The following CHODL variants were observed in gnomAD, a reference collection of about 807,000 sequenced individuals.
CHODL encodes the protein transmembrane protein MT75.
Under a neutral mutation model 34.5 loss-of-function variants are expected in CHODL, and 29 were observed. The observed-to-expected ratio is 0.84, with a 90% CI of 0.63 to 1.15. The LOEUF is 1.15. Among genes scored for constraint, CHODL ranks in the 50% most tolerant of loss-of-function variants. The probability of loss-of-function intolerance (pLI) is 0.00; values close to 1 mark genes in which losing one functional copy is unlikely to be tolerated. For synonymous variants in CHODL, 125 were observed against 116.1 expected (o/e 1.08, Z -0.49); for missense variants, 332 against 332.5 (o/e 1.00, Z 0.01).
In CHODL at chr21:18,095,911, C is replaced by T. The variant is rs115162668; in HGVS notation, c.-45+67940C>T. ...GAATGAGGAACAAAAACCATATGAT[C>T]GTTTCAGTTGATACTAAAACAGAAT... On this transcript the variant is annotated intron_variant, in intron 2 of 6. Transcript: ENST00000400127. Among the ~76,000 whole-genome samples the T allele has an allele frequency of 5.3e-3, 810 of 152,260 alleles. 7 individuals are homozygous for T. The highest frequency in any genetic ancestry group is 0.018 in the African/African-American group (762 of 41,552).
intron 2 of CHODL, among the ~76,000 whole-genome samples, chr21:18,127,672 G>GTTTTTTTTTTTTTTTTT (rs71318127): frequency 4.3e-5 from 3 of 70,006 alleles, no homozygotes; most frequent in African/African-American, 1.6e-4. Flanking sequence ...CGTTGCCATT[G>GTTTTTTTTTTTTTTTTT]TTTTTTTTTT....
At chr21:18,102,481 G>A (rs1418122097) in intron 2 of CHODL, among the ~76,000 whole-genome samples, 3 of 152,138 alleles carry the variant, frequency 2.0e-5, no homozygotes, top group East Asian at 1.9e-4. Context: ...TCAATTATCT[G>A]TATAAAAATA....
intron 1 of CHODL, among the ~76,000 whole-genome samples, chr21:17,998,528 G>C (rs2063873514): frequency 6.6e-6 from 1 of 152,206 alleles, no homozygotes; most frequent in South Asian, 2.1e-4. Context: ...TTCTTCATGA[G>C]GGCTCTGCCC....
chr21:18,133,093 G>T (rs205698), intron 2 of CHODL, among the ~76,000 whole-genome samples: 19,671 of 151,478 alleles, frequency 0.13, 1,443 homozygotes, highest in Middle Eastern at 0.21. Context: ...TAAAAAAAAA[G>T]ACTTGCTTTG....
chr21:18,244,350 A>T (rs370856860), upstream of CHODL, among the ~76,000 whole-genome samples: 1 of 152,320 alleles, frequency 6.6e-6, no homozygotes, highest in South Asian at 2.1e-4. Flanking sequence ...GCTTGGAGAT[A>T]ATCTATTTGC....
chr21:18,259,712 A>G (rs1051595332), intron 3 of CHODL, among the ~76,000 whole-genome samples: 2 of 152,254 alleles, frequency 1.3e-5, no homozygotes, highest in African/African-American at 4.8e-5. Flanking sequence ...GAACGTTGTT[A>G]CTTGAATCAT....
At chr21:17,996,834 CTT>C (rs1282723898) in intron 1 of CHODL, among the ~76,000 whole-genome samples, 1 of 152,094 alleles carries the variant, frequency 6.6e-6, no homozygotes, top group Non-Finnish European at 1.5e-5. Flanking sequence ...TTCATAAACT[CTT>C]TGGATGAAAC....
chr21:17,953,624 A>G (rs542571758), intron 1 of CHODL, among the ~76,000 whole-genome samples: 1 of 152,376 alleles, frequency 6.6e-6, no homozygotes, highest in African/African-American at 2.4e-5. Flanking sequence ...ACCTGACTAC[A>G]TAAATAATTA....
In CHODL at chr21:18,091,839, G is replaced by A. The variant is rs575230825; in HGVS notation, c.-45+63868G>A. On this transcript the variant is annotated intron_variant, in intron 2 of 6. Transcript: ENST00000400127. ...TGCCCCGTGGACCAGTAGTGGTGGT[G>A]ATGGCCACAGGGAGAGGCTCCTCTG... Among the ~76,000 whole-genome samples the A allele has an allele frequency of 1.7e-4, 26 of 152,340 alleles. No individual in the cohort carries two copies. In the South Asian group the frequency reaches 5.0e-3, roughly 29 times the overall value.
intron 2 of CHODL, among the ~76,000 whole-genome samples, chr21:18,084,750 G>C (rs1174303297): frequency 6.6e-6 from 1 of 152,056 alleles, no homozygotes; most frequent in Admixed American, 6.6e-5. Context: ...TGTAGTTGTT[G>C]GATATAATTT....
chr21:18,126,486 G>A (rs1341440961), intron 2 of CHODL, among the ~76,000 whole-genome samples: 1 of 152,120 alleles, frequency 6.6e-6, no homozygotes, highest in East Asian at 1.9e-4. Flanking sequence ...TTTTTGAGAT[G>A]TGCTTTCATT....
At chr21:18,148,972 T>C (rs2072932686) in intron 2 of CHODL, among the ~76,000 whole-genome samples, 1 of 152,102 alleles carries the variant, frequency 6.6e-6, no homozygotes, top group African/African-American at 2.4e-5. Context: ...CTGTTTTGCC[T>C]GGAGTAGCTT....
At chr21:17,952,421 A>G (rs537469194) in intron 1 of CHODL, among the ~76,000 whole-genome samples, 11 of 152,214 alleles carry the variant, frequency 7.2e-5, no homozygotes, top group African/African-American at 2.4e-4. Context: ...AATGAATGCC[A>G]GAAGATAATG....
intron 1 of CHODL, among the ~76,000 whole-genome samples, chr21:18,008,849 T>A (rs982291973): frequency 6.6e-6 from 1 of 152,218 alleles, no homozygotes; most frequent in African/African-American, 2.4e-5. Context: ...AGAATTAGCC[T>A]CGTCTAGTTG....
At chr21:18,155,243 G>A (rs1568914398) in intron 2 of CHODL, among the ~76,000 whole-genome samples, 1 of 152,118 alleles carries the variant, frequency 6.6e-6, no homozygotes, top group African/African-American at 2.4e-5. Flanking sequence ...TGATAAATCT[G>A]ATATAAGAAA....
intron 2 of CHODL, among the ~76,000 whole-genome samples, chr21:18,152,456 G>A (rs1220535484): frequency 6.6e-6 from 1 of 152,202 alleles, no homozygotes; most frequent in African/African-American, 2.4e-5. Context: ...AGCCAGGGCT[G>A]GGTTCTCATC....
At chr21:17,971,790 C>T (rs950324359) in intron 1 of CHODL, among the ~76,000 whole-genome samples, 3 of 152,234 alleles carry the variant, frequency 2.0e-5, no homozygotes, top group Admixed American at 2.0e-4. Flanking sequence ...CAACTCCTCC[C>T]CAACACATTT....
intron 2 of CHODL, among the ~76,000 whole-genome samples, chr21:18,046,326 T>C (rs1266537436): frequency 6.6e-6 from 1 of 151,892 alleles, no homozygotes; most frequent in East Asian, 1.9e-4. Flanking sequence ...TGTCAGAAAG[T>C]CAGAGTGCAG....
chr21:18,066,391 AT>A (rs147910572), intron 2 of CHODL, among the ~76,000 whole-genome samples: 4,753 of 152,170 alleles, frequency 0.031, 245 homozygotes, highest in African/African-American at 0.11. Flanking sequence ...TTTAATTCAT[AT>A]TTGAATATTT....
Sources: gnomAD v4.1 joint callset for allele counts (sites outside exome capture counted in the v4.1 genomes callset) on GRCh38, gnomAD v4.1.1 for gene constraint, MANE v1.5 for transcripts, NCBI Gene and HGNC (gene_info 2026-07-23, HGNC 2026-07-21) for gene names.